The following ATP2C2 variants were observed in gnomAD, a reference collection of about 807,000 sequenced individuals.
The protein encoded by ATP2C2 is calcium-transporting ATPase type 2C member 2.
In ATP2C2, 171 loss-of-function variants were observed where a neutral mutation model predicts 110.8. The ratio of observed to expected loss-of-function variants is 1.54; its 90% CI spans 1.36 to 1.75. The LOEUF (loss-of-function observed/expected upper bound fraction) is 1.75, where lower values mean the gene tolerates loss of function less well. ATP2C2 is among the 40% of genes most tolerant of loss of function. The pLI is 0.00. For missense variants in ATP2C2, 1,963 were observed against 1,235.0 expected (o/e 1.59, Z -8.84); for synonymous variants, 804 against 508.4 (o/e 1.58, Z -7.82).
chr16:84,401,132 A>G (rs190462513), intron 2 of ATP2C2, among the ~76,000 whole-genome samples: 1 of 152,154 alleles, frequency 6.6e-6, no homozygotes, highest in East Asian at 1.9e-4. Flanking sequence ...ATTACTCAAG[A>G]AATCTTTGCC....
At chr16:84,409,558 G>A (rs1439523285) in intron 4 of ATP2C2, among the ~76,000 whole-genome samples, 2 of 152,028 alleles carry the variant, frequency 1.3e-5, no homozygotes, top group Non-Finnish European at 1.5e-5. Flanking sequence ...CGTCCAGGCT[G>A]GACAGCAGTG....
Position 84,408,448 on chromosome 16 carries a change from T to A in ATP2C2, c.371T>A (p.Val124Glu), listed in dbSNP as rs1450406291. The A allele has an allele frequency of 6.2e-7, 1 of 1,613,738 alleles. No individual in the cohort carries two copies. The highest frequency in any genetic ancestry group is 8.5e-7 in the Non-Finnish European group (1 of 1,179,996). The part of the protein sequence containing the change: ...LILLLLGSAL[V>E]SVLTKEYEDA... ...CTGCTGCTGCTGGGCTCTGCCCTGG[T>A]GAGTGTCCTCACCAAGGAGTATGAG... The change falls in exon 4 of 27, where the codon GTG (valine) becomes GAG (glutamate). Residue 124 changes from valine to glutamate, a missense_variant. Transcript: ENST00000262429.
At position 84,461,124 on chromosome 16, in the gene ATP2C2, T is replaced by C. The variant is rs16973856; in HGVS notation, c.2481+323T>C. ...TGTCACCAGGAAACAATTTGAAATCTGCTAAATATCCTCCTGTGTTACACT... is the reference window on the plus strand; with the variant it reads ...TGTCACCAGGAAACAATTTGAAATCCGCTAAATATCCTCCTGTGTTACACT... On this transcript the variant is annotated intron_variant, in intron 24 of 26. Coordinates refer to ENST00000262429, the MANE Select transcript of ATP2C2 (RefSeq NM_014861.4). 2,753 of 346,160 alleles carry C rather than the reference T, an allele frequency of 8.0e-3. 82 individuals are homozygous for C. The highest frequency in any genetic ancestry group is 0.053 in the African/African-American group (2,565 of 48,512). 21.4% of individuals were successfully genotyped at this position (346,160 alleles called of 1,614,324 possible).
chr16:84,396,365 G>A (rs1472867312), intron 1 of ATP2C2, among the ~76,000 whole-genome samples: 1 of 151,876 alleles, frequency 6.6e-6, no homozygotes, highest in Non-Finnish European at 1.5e-5. Flanking sequence ...GGCCAACCTG[G>A]TGAAAACCCG....
In ATP2C2 at chr16:84,452,025, C is replaced by T. The variant is rs780567459; in HGVS notation, c.1765C>T (p.Leu589Phe). 3.1e-6 allele frequency: 5 copies of T among 1,613,612 alleles called. No homozygotes were observed. Among genetic ancestry groups the T allele is most frequent in the Admixed American group, 1.7e-5 (1 of 59,954 alleles). Residue 589 changes from leucine to phenylalanine, a missense_variant, in exon 18 of 27, where the codon CTC (leucine) becomes TTC (phenylalanine). Leu to Phe is a conservative substitution (Grantham distance 22). Coordinates refer to ENST00000262429, the MANE Select transcript of ATP2C2 (RefSeq NM_014861.4). ...RVGVKEAVQVLSESGVSVKMI... is the reference protein window; with the variant it reads ...RVGVKEAVQVFSESGVSVKMI... ...TGGCGTGAAGGAAGCAGTCCAGGTT[C>T]TCTCCGAGTCTGGTGTGTCTGTGAA...
chr16:84,438,995 G>C, intron 11 of ATP2C2, 171 bp from the exon 12 acceptor site: 1 of 943,824 alleles, frequency 1.1e-6, no homozygotes, highest in Non-Finnish European at 1.6e-6. Context: ...TCAGGACAGT[G>C]GGTGCTGCAG....
chr16:84,418,401 A>C (rs184100678), intron 7 of ATP2C2, among the ~76,000 whole-genome samples: 1 of 152,034 alleles, frequency 6.6e-6, no homozygotes, highest in South Asian at 2.1e-4. Context: ...TGCTGAACCC[A>C]CACACAACCA....
At chr16:84,388,974 G>T (rs1325663247) in intron 1 of ATP2C2, among the ~76,000 whole-genome samples, 1 of 152,050 alleles carries the variant, frequency 6.6e-6, no homozygotes, top group Non-Finnish European at 1.5e-5. Flanking sequence ...GTTTCACCAT[G>T]TTACCCAGGA....
At chr16:84,429,458 G>A (rs1440897650) in intron 11 of ATP2C2, among the ~76,000 whole-genome samples, 1 of 152,090 alleles carries the variant, frequency 6.6e-6, no homozygotes, top group Non-Finnish European at 1.5e-5. Context: ...CAGCCTTCGT[G>A]GAGCTTTTGA....
At position 84,383,133 on chromosome 16, in the gene ATP2C2, T is replaced by G. The variant is rs141783303; in HGVS notation, c.99+14419T>G. The stretch of plus-strand genomic sequence containing the variant: ...CTGTCCTTGTCATCTTGGGCACAGC[T>G]CAGTGGCCTACTGCTTTCTGCTACT... On this transcript the variant is annotated intron_variant, in intron 1 of 26. Coordinates refer to ENST00000262429, the MANE Select transcript of ATP2C2 (RefSeq NM_014861.4). 1.6e-3 allele frequency among the ~76,000 whole-genome samples: 241 copies of G among 152,264 alleles called. 1 individual carries two copies. The highest frequency in any genetic ancestry group is 2.7e-3 in the Non-Finnish European group (187 of 68,022).
chr16:84,411,545 A>G (rs1396645603), intron 6 of ATP2C2, among the ~76,000 whole-genome samples: 1 of 152,114 alleles, frequency 6.6e-6, no homozygotes, highest in African/African-American at 2.4e-5. Flanking sequence ...GGGTTCAAGC[A>G]GTTCTCCTGC....
rs761862082 is a variant in ATP2C2, at chr16:84,462,137, G to T, written c.2722+8G>T. The T allele has an allele frequency of 6.2e-6, 10 of 1,611,102 alleles. No individual in the cohort carries two copies. The highest frequency in any genetic ancestry group is 8.5e-6 in the Non-Finnish European group (10 of 1,178,060). On this transcript the variant is annotated splice_region_variant and intron_variant, in intron 26 of 26. Coordinates refer to ENST00000262429, the MANE Select transcript of ATP2C2 (RefSeq NM_014861.4). ...AGAACCTGGGAGCGCTTGGTGAGTGGTGGGGACGGGAACGACAGGTGACCT... is the reference window on the plus strand; with the variant it reads ...AGAACCTGGGAGCGCTTGGTGAGTGTTGGGGACGGGAACGACAGGTGACCT...
chr16:84,398,686 C>A (rs1285415340), intron 2 of ATP2C2, 77 bp downstream of exon 2: 34 of 1,160,604 alleles, frequency 2.9e-5, no homozygotes, highest in Non-Finnish European at 4.1e-5. Context: ...AAGCCCTGAA[C>A]AGTGCTTTGA....
chr16:84,385,771 C>A (rs1904310661), intron 1 of ATP2C2, among the ~76,000 whole-genome samples: 1 of 152,200 alleles, frequency 6.6e-6, no homozygotes, highest in Non-Finnish European at 1.5e-5. Flanking sequence ...ACCATCAGAT[C>A]TTGTGAGAAC....
At chr16:84,388,422 G>A (rs917460629) in intron 1 of ATP2C2, among the ~76,000 whole-genome samples, 7 of 152,226 alleles carry the variant, frequency 4.6e-5, no homozygotes, top group Non-Finnish European at 1.0e-4. Context: ...CCCACCCCTA[G>A]GGCTTCTGAG....
rs77444095 is a variant in ATP2C2, at chr16:84,460,349, G to T, written c.2334-305G>T. 2.6e-4 allele frequency: 84 copies of T among 322,276 alleles called. 1 individual carries two copies. Among genetic ancestry groups the T allele is most frequent in the Middle Eastern group, 1.8e-3 (5 of 2,814 alleles). 20.0% of individuals were successfully genotyped at this position (322,276 alleles called of 1,614,324 possible). A position where few individuals can be genotyped will look rare whatever the true frequency, so the allele number is the denominator to read the frequency against. ...GCCTGTTTCTCCAGGCGCAACGTTG[G>T]GGGGGGTCCCCTCGGGGTGATGGAG... On this transcript the variant is annotated intron_variant, in intron 23 of 26. Transcript: ENST00000262429.
At chr16:84,455,070 A>AGCGG in intron 21 of ATP2C2, 86 bp downstream of exon 21, 1 of 1,198,572 alleles carries the variant, frequency 8.3e-7, no homozygotes, top group Non-Finnish European at 1.2e-6. Context: ...GTGGAGATAG[A>AGCGG]GGGGGGGGTC....
At chr16:84,388,638 G>A (rs1420659828) in intron 1 of ATP2C2, among the ~76,000 whole-genome samples, 1 of 152,220 alleles carries the variant, frequency 6.6e-6, no homozygotes, top group African/African-American at 2.4e-5. Context: ...TGTCTCCAAT[G>A]TCACCCTTGT....
Position 84,425,734 on chromosome 16 carries a change from G to C in ATP2C2, c.920-1G>C. 1 of 1,614,044 alleles carries C rather than the reference G, an allele frequency of 6.2e-7. No homozygotes were observed. Among genetic ancestry groups the C allele is most frequent in the Non-Finnish European group, 8.5e-7 (1 of 1,179,968 alleles). On this transcript the variant is annotated splice_acceptor_variant, in intron 10 of 26. Coordinates refer to ENST00000262429, the MANE Select transcript of ATP2C2 (RefSeq NM_014861.4). LOFTEE classifies it high-confidence loss of function. ...TAAGGATGTTTTTGTCTCTTCCCCA[G>C]GTCTCATCATGCTCATTGGCTGGTC...
Sources: gnomAD v4.1 joint callset for allele counts (sites outside exome capture counted in the v4.1 genomes callset) on GRCh38, gnomAD v4.1.1 for gene constraint, MANE v1.5 for transcripts, NCBI Gene and HGNC (gene_info 2026-07-23, HGNC 2026-07-21) for gene names.